USP15: variants seen among roughly 807,000 people sequenced by gnomAD.
USP15 encodes ubiquitin carboxyl-terminal hydrolase 15.
Under a neutral mutation model 127.1 loss-of-function variants are expected in USP15, and 18 were observed. The observed-to-expected ratio is 0.14, with a 90% CI of 0.10 to 0.21. The LOEUF (loss-of-function observed/expected upper bound fraction) is 0.21. Among genes scored for constraint, USP15 ranks in the 10% least tolerant of loss-of-function variants. The pLI is 1.00. For missense variants in USP15, 805 were observed against 1,159.9 expected (o/e 0.69, Z 4.44); for synonymous variants, 364 against 393.7 (o/e 0.92, Z 0.89).
intron 1 of USP15, among the ~76,000 whole-genome samples, chr12:62,292,574 G>A (rs1270934977): frequency 6.6e-6 from 1 of 152,204 alleles, no homozygotes; most frequent in African/African-American, 2.4e-5. Context: ...GTGGGTGGAG[G>A]GGGAGGAGAA....
At chr12:62,310,150 T>C (rs1307818816) in intron 3 of USP15, among the ~76,000 whole-genome samples, 3 of 151,984 alleles carry the variant, frequency 2.0e-5, no homozygotes, top group East Asian at 3.8e-4. Context: ...CAGTTTTTTA[T>C]TGGCAACAAA....
chr12:62,389,765 T>C, intron 13 of USP15, 32 bp from the exon 14 acceptor site: 2 of 1,600,422 alleles, frequency 1.2e-6, no homozygotes, highest in East Asian at 4.5e-5. Context: ...ACATAAAATT[T>C]TGAGAGTTTA....
intron 1 of USP15, among the ~76,000 whole-genome samples, chr12:62,264,508 G>A (rs947940832): frequency 1.3e-5 from 2 of 152,168 alleles, no homozygotes; most frequent in Admixed American, 1.3e-4. Context: ...CCTAATAACT[G>A]TAGTAGGTAA....
chr12:62,360,329 C>CT (rs936973195), intron 8 of USP15, among the ~76,000 whole-genome samples: 5 of 151,640 alleles, frequency 3.3e-5, no homozygotes, highest in Non-Finnish European at 5.9e-5. Context: ...TTAAGGTCAG[C>CT]TTTTTTTTCT....
chr12:62,294,458 T>TC, intron 2 of USP15, 152 bp downstream of exon 2: 1 of 772,910 alleles, frequency 1.3e-6, no homozygotes, highest in Non-Finnish European at 1.9e-6. Context: ...TCTAATAAGT[T>TC]ATTAAAAATT....
intron 4 of USP15, among the ~76,000 whole-genome samples, chr12:62,315,420 A>AAT: frequency 6.6e-6 from 1 of 152,054 alleles, no homozygotes; most frequent in Middle Eastern, 3.4e-3. Context: ...TATATATTAA[A>AAT]ATATATATAA....
chr12:62,275,095 T>C (rs2063451271), intron 1 of USP15, among the ~76,000 whole-genome samples: 1 of 152,018 alleles, frequency 6.6e-6, no homozygotes, highest in Non-Finnish European at 1.5e-5. Context: ...GGTTTGTGGC[T>C]TGGGAAATTA....
chr12:62,336,139 CTT>C (rs560120444), intron 6 of USP15: 1 of 985,372 alleles, frequency 1.0e-6, no homozygotes, highest in Non-Finnish European at 1.2e-6. Context: ...CAGAAGACCT[CTT>C]TTATCATACC....
intron 6 of USP15, among the ~76,000 whole-genome samples, chr12:62,329,651 T>G (rs750919756): frequency 5.3e-5 from 8 of 151,956 alleles, no homozygotes; most frequent in Non-Finnish European, 1.2e-4. Context: ...TAACAGACAA[T>G]TTAAATAAAG....
intron 1 of USP15, chr12:62,279,151 T>A (rs563345059): frequency 1.3e-5 from 2 of 152,286 alleles, no homozygotes; most frequent in South Asian, 4.1e-4. Context: ...TATCATCACC[T>A]CCTTATTTCT....
intron 1 of USP15, among the ~76,000 whole-genome samples, chr12:62,261,829 C>A (rs762132605): frequency 6.6e-6 from 1 of 152,138 alleles, no homozygotes; most frequent in African/African-American, 2.4e-5. Context: ...AAGTCTTAGT[C>A]TCTTTTTTCT....
At chr12:62,368,532 C>G (rs1461292679) in intron 8 of USP15, among the ~76,000 whole-genome samples, 1 of 152,172 alleles carries the variant, frequency 6.6e-6, no homozygotes, top group Non-Finnish European at 1.5e-5. Flanking sequence ...GTTAGTTCTT[C>G]TTGATGCATT....
intron 1 of USP15, among the ~76,000 whole-genome samples, chr12:62,268,815 G>A (rs542875501): frequency 1.3e-5 from 2 of 152,148 alleles, no homozygotes; most frequent in Non-Finnish European, 2.9e-5. Flanking sequence ...CTGGGTTTTA[G>A]TATACTCGAA....
Position 62,381,543 on chromosome 12 carries a change from A to G in USP15, c.969A>G (p.Gln323=). ...AGTATTTCCTCAATGATAAGTATCA[A>G]GAAGAACTGAATTTTGACAATCCCT... ...LTEYFLNDKY[Q]EELNFDNPLG... Residue 323 remains glutamine, a synonymous_variant, in exon 9 of 22, where the codon CAA becomes CAG. Coordinates refer to ENST00000280377, the MANE Select transcript of USP15 (RefSeq NM_001252078.2). 6.2e-7 allele frequency: 1 copy of G among 1,613,000 alleles called. No individual in the cohort carries two copies. The highest frequency in any genetic ancestry group is 2.2e-5 in the East Asian group (1 of 44,858).
intron 2 of USP15, among the ~76,000 whole-genome samples, chr12:62,299,292 T>C (rs1488241224): frequency 6.6e-6 from 1 of 152,090 alleles, no homozygotes; most frequent in Non-Finnish European, 1.5e-5. Context: ...TGCATTTTTG[T>C]TGAGATGGGG....
At chr12:62,360,223 A>G (rs1280054475) in intron 8 of USP15, among the ~76,000 whole-genome samples, 1 of 152,080 alleles carries the variant, frequency 6.6e-6, no homozygotes, top group Non-Finnish European at 1.5e-5. Flanking sequence ...CTCCTTAGAT[A>G]GATTCTAGGA....
At chr12:62,356,506 A>G (rs2066135981) in intron 8 of USP15, among the ~76,000 whole-genome samples, 1 of 151,960 alleles carries the variant, frequency 6.6e-6, no homozygotes, top group Non-Finnish European at 1.5e-5. Flanking sequence ...TCTGTCATAC[A>G]CTATAGGCCA....
intron 9 of USP15, among the ~76,000 whole-genome samples, chr12:62,382,977 A>G (rs2067035063): frequency 6.6e-6 from 1 of 151,970 alleles, no homozygotes; most frequent in Admixed American, 6.6e-5. Context: ...TAGTGAAACA[A>G]CAATTAATGA....
At position 62,365,123 on chromosome 12, in the gene USP15, G is replaced by A. The variant is rs1019341485; in HGVS notation, c.915+9648G>A. Among the ~76,000 whole-genome samples, 14 of 152,240 alleles carry A rather than the reference G, an allele frequency of 9.2e-5. No individual in the cohort carries two copies. The East Asian group carries it at 2.3e-3, about 25-fold the overall frequency. On this transcript the variant is annotated intron_variant, in intron 8 of 21. Transcript: ENST00000280377. ...GTATTTCTAGTTCTAGATCCTTGAGGAATTGCCACACTGTCTTCCACAGTG... is the reference window on the plus strand; with the variant it reads ...GTATTTCTAGTTCTAGATCCTTGAGAAATTGCCACACTGTCTTCCACAGTG...
Sources: gnomAD v4.1 joint callset for allele counts (sites outside exome capture counted in the v4.1 genomes callset) on GRCh38, gnomAD v4.1.1 for gene constraint, MANE v1.5 for transcripts, NCBI Gene and HGNC (gene_info 2026-07-23, HGNC 2026-07-21) for gene names.